SPAG17: variants seen among roughly 807,000 people sequenced by gnomAD.
SPAG17 encodes the protein sperm-associated antigen 17.
Under a neutral mutation model 273.6 loss-of-function variants are expected in SPAG17, and 169 were observed. The observed-to-expected ratio is 0.62, with a 90% CI of 0.55 to 0.70. The LOEUF (loss-of-function observed/expected upper bound fraction) is 0.70, where lower values mean the gene tolerates loss of function less well. Ranked by LOEUF, SPAG17 falls within the 30% of genes least tolerant of loss-of-function variation. SPAG17 has a pLI of 0.00. For missense variants in SPAG17, 2,557 were observed against 2,627.8 expected, an observed-to-expected ratio of 0.97 and a Z score of 0.59; for synonymous variants, 825 against 873.2, an observed-to-expected ratio of 0.94 and a Z score of 0.97.
At chr1:118,049,967 G>A (rs1259459190) in intron 20 of SPAG17, among the ~76,000 whole-genome samples, 1 of 152,206 alleles carries the variant, frequency 6.6e-6, no homozygotes, top group Non-Finnish European at 1.5e-5. Flanking sequence ...TTCCCAGCGA[G>A]ACCTCAGGAG....
chr1:118,155,125 T>C (rs535183839), intron 1 of SPAG17, among the ~76,000 whole-genome samples: 1 of 152,224 alleles, frequency 6.6e-6, no homozygotes, highest in South Asian at 2.1e-4. Context: ...ATTCAAAGGA[T>C]GGAATGAAGT....
intron 15 of SPAG17, 117 bp from the exon 16 acceptor site, chr1:118,074,717 G>A: frequency 1.1e-6 from 1 of 878,738 alleles, no homozygotes. Flanking sequence ...AAAAGGCAAT[G>A]CCTGAAAGGC....
At chr1:117,980,409 T>C (rs1655659263) in intron 43 of SPAG17, among the ~76,000 whole-genome samples, 1 of 152,116 alleles carries the variant, frequency 6.6e-6, no homozygotes, top group Non-Finnish European at 1.5e-5. Flanking sequence ...TTTTTGTATT[T>C]TTAGTAGATA....
chr1:118,167,606 ATAAAAG>A (rs1660233741), intron 1 of SPAG17, among the ~76,000 whole-genome samples: 1 of 152,352 alleles, frequency 6.6e-6, no homozygotes, highest in East Asian at 1.9e-4. Context: ...TATAATTAAA[ATAAAAG>A]TAAAACTAAA....
intron 18 of SPAG17, 87 bp downstream of exon 18, chr1:118,066,658 G>C: frequency 9.0e-7 from 1 of 1,106,822 alleles, no homozygotes; most frequent in East Asian, 2.4e-5. Flanking sequence ...CTAGCTTAGG[G>C]TAAGGAACTA....
intron 13 of SPAG17, among the ~76,000 whole-genome samples, chr1:118,085,213 TA>T (rs368653641): frequency 6.6e-6 from 1 of 151,872 alleles, no homozygotes. Flanking sequence ...CTTCTCTAAT[TA>T]AAAAAAGAAA....
intron 22 of SPAG17, 32 bp from the exon 23 acceptor site, chr1:118,039,476 T>G (rs1205278604): frequency 6.2e-7 from 1 of 1,608,012 alleles, no homozygotes; most frequent in South Asian, 1.1e-5. Context: ...GAAGATGGGC[T>G]GATTAGGATG....
Position 118,086,715 on chromosome 1 carries a change from G to A in SPAG17, c.1567C>T (p.Leu523=). Residue 523 remains leucine (L), a synonymous_variant, in exon 12 of 49, where the codon CTG becomes TTG. Coordinates refer to ENST00000336338, the MANE Select transcript of SPAG17 (RefSeq NM_206996.4). ...SKAVPKGPLL[L]NYHDAHAHKK... ...TGGGCGTGTGCATCATGATAGTTCAGTAGGAGGGGGCCTTTGGGCACTGCT... is the reference window on the plus strand; with the variant it reads ...TGGGCGTGTGCATCATGATAGTTCAATAGGAGGGGGCCTTTGGGCACTGCT... The A allele has an allele frequency of 6.2e-7, 1 of 1,614,152 alleles. No homozygotes were observed. Among genetic ancestry groups the A allele is most frequent in the South Asian group, 1.1e-5 (1 of 91,076 alleles).
chr1:117,961,154 G>T (rs190128762), intron 48 of SPAG17: 7 of 152,152 alleles, frequency 4.6e-5, no homozygotes, highest in African/African-American at 9.7e-5. Context: ...GTGGTGGCAG[G>T]CGCTTGTAAT....
rs773786379 is a variant in SPAG17, at chr1:118,054,028, G to C, written c.2788C>G (p.Pro930Ala). 6.2e-6 allele frequency: 10 copies of C among 1,608,804 alleles called. No individual in the cohort carries two copies. Among genetic ancestry groups the C allele is most frequent in the Non-Finnish European group, 8.5e-6 (10 of 1,177,498 alleles). The change falls in exon 20 of 49, where the codon CCT becomes GCT. Residue 930 changes from proline to alanine, a missense_variant. Transcript: ENST00000336338. ...QEKEKEKEKI[P>A]FILEGSLKAW... is the part of the protein sequence containing the mutation. ...TTGAGAGAGCCTTCTAAAATGAAAG[G>C]AATCTTTTCCTTCTCTTTTTCTTTT...
At chr1:118,028,633 A>T (rs1648060888) in intron 25 of SPAG17, among the ~76,000 whole-genome samples, 1 of 152,138 alleles carries the variant, frequency 6.6e-6, no homozygotes, top group Non-Finnish European at 1.5e-5. Flanking sequence ...GAAAATAGAG[A>T]TATAGTGAAA....
At chr1:118,074,445 A>G (rs952477644) in intron 16 of SPAG17, 94 bp downstream of exon 16, 1 of 1,033,930 alleles carries the variant, frequency 9.7e-7, no homozygotes, top group Non-Finnish European at 1.5e-6. Flanking sequence ...CCTTCTAAGT[A>G]TCTTCTTTTT....
At chr1:118,171,756 A>G (rs1277407554) in intron 1 of SPAG17, among the ~76,000 whole-genome samples, 1 of 152,202 alleles carries the variant, frequency 6.6e-6, no homozygotes, top group Non-Finnish European at 1.5e-5. Context: ...ACTGCTGTAG[A>G]GAGTGACGTA....
At chr1:117,955,386 G>A (rs1210309506) in intron 48 of SPAG17, 11 of 1,607,160 alleles carry the variant, frequency 6.8e-6, no homozygotes, top group Middle Eastern at 1.7e-4. Flanking sequence ...CACAATTTTT[G>A]TAATCTGTCA....
chr1:117,991,299 AG>A (rs1422616532), intron 37 of SPAG17, 115 bp downstream of exon 37: 1 of 563,818 alleles, frequency 1.8e-6, no homozygotes, highest in Non-Finnish European at 3.0e-6. Context: ...AATTATGAGG[AG>A]GGAGCAAATG....
chr1:117,996,472 C>T lies in SPAG17; in HGVS notation c.4951G>A (p.Gly1651Arg). 1 of 1,613,018 alleles carries T rather than the reference C, an allele frequency of 6.2e-7. No individual in the cohort carries two copies. The highest frequency in any genetic ancestry group is 8.5e-7 in the Non-Finnish European group (1 of 1,179,438). ...TCACTGTCTCGAAGAAGTTCCATTC[C>T]TGATCCATCAGCATACATAACAAAA... ...RFFVMYADGS[G>R]MELLRDSDIE... The change falls in exon 34 of 49, where the codon GGA (glycine) becomes AGA (arginine). Residue 1651 changes from glycine to arginine, a missense_variant. By Grantham distance (125) the Gly-to-Arg change is moderately radical. Coordinates refer to ENST00000336338, the MANE Select transcript of SPAG17 (RefSeq NM_206996.4).
At chr1:117,959,014 T>G in intron 48 of SPAG17, 1 of 1,612,290 alleles carries the variant, frequency 6.2e-7, no homozygotes. Flanking sequence ...GTAAGTGTCT[T>G]TGTATAGAGA....
intron 30 of SPAG17, among the ~76,000 whole-genome samples, chr1:118,010,008 G>T (rs976869421): frequency 2.0e-5 from 3 of 152,034 alleles, no homozygotes; most frequent in Non-Finnish European, 2.9e-5. Context: ...AAGACAAATA[G>T]CACACTTATA....
intron 1 of SPAG17, among the ~76,000 whole-genome samples, chr1:118,166,580 T>A (rs1660180520): frequency 6.6e-6 from 1 of 152,084 alleles, no homozygotes; most frequent in African/African-American, 2.4e-5. Flanking sequence ...TTTGTCTAAT[T>A]TTTTTTTCTA....
Sources: allele counts gnomAD v4.1 joint callset (sites outside exome capture counted in the v4.1 genomes callset), GRCh38; gene constraint gnomAD v4.1.1; transcripts MANE v1.5; gene names NCBI Gene and HGNC (gene_info 2026-07-23, HGNC 2026-07-21).